Variants in SNTG1 observed in about 807,000 individuals in gnomAD.
SNTG1 encodes gamma-1-syntrophin.
A neutral mutation model predicts 74.7 loss-of-function variants in SNTG1; 39 were observed. That is an observed-to-expected ratio of 0.52 (90% CI 0.40 to 0.68). The LOEUF is 0.68. Ranked by LOEUF, SNTG1 falls within the 30% of genes least tolerant of loss-of-function variation. SNTG1 has a pLI of 0.00. For missense variants in SNTG1, 685 were observed against 609.5 expected (o/e 1.12, Z -1.30); for synonymous variants, 254 against 217.1 (o/e 1.17, Z -1.49).
chr8:50,654,396 T>G (rs1453812575), intron 13 of SNTG1, among the ~76,000 whole-genome samples: 1 of 152,152 alleles, frequency 6.6e-6, no homozygotes, highest in African/African-American at 2.4e-5. Context: ...TCATAAATAT[T>G]TATTTGTCTA....
At chr8:50,380,480 A>G (rs551835738) in intron 2 of SNTG1, among the ~76,000 whole-genome samples, 2 of 152,342 alleles carry the variant, frequency 1.3e-5, no homozygotes, top group South Asian at 4.1e-4. Context: ...AGTAAACTGA[A>G]CTGTCAGAGT....
At chr8:49,928,760 GA>G (rs1002752990) in intron 1 of SNTG1, among the ~76,000 whole-genome samples, 5 of 151,092 alleles carry the variant, frequency 3.3e-5, no homozygotes, top group African/African-American at 7.3e-5. Flanking sequence ...CCCAGTGCAA[GA>G]AAAAAAATAA....
chr8:50,764,611 A>G (rs1305571187), intron 18 of SNTG1, among the ~76,000 whole-genome samples: 1 of 151,926 alleles, frequency 6.6e-6, no homozygotes, highest in Non-Finnish European at 1.5e-5. Context: ...CTATTATCAA[A>G]AAGGTGAAAG....
intron 1 of SNTG1, among the ~76,000 whole-genome samples, chr8:50,151,815 G>C (rs2082079286): frequency 1.3e-5 from 2 of 152,196 alleles, no homozygotes; most frequent in South Asian, 4.1e-4. Flanking sequence ...TTGCTAAGGA[G>C]TGCTTTACTT....
intron 18 of SNTG1, among the ~76,000 whole-genome samples, chr8:50,765,195 C>T (rs1408179647): frequency 6.6e-6 from 1 of 152,012 alleles, no homozygotes; most frequent in Non-Finnish European, 1.5e-5. Context: ...AATGCCCAAG[C>T]TTATTACTGG....
chr8:50,182,840 G>C (rs557884087), intron 2 of SNTG1, among the ~76,000 whole-genome samples: 6 of 152,034 alleles, frequency 3.9e-5, no homozygotes, highest in African/African-American at 1.4e-4. Flanking sequence ...TCTTCTGCCT[G>C]GAAATTTTCT....
intron 18 of SNTG1, among the ~76,000 whole-genome samples, chr8:50,782,737 G>A (rs143324072): frequency 0.014 from 2,091 of 152,250 alleles, 30 homozygotes; most frequent in African/African-American, 0.043. Flanking sequence ...GCTTTGTTCC[G>A]TTGCTGGTGA....
intron 2 of SNTG1, among the ~76,000 whole-genome samples, chr8:50,282,690 C>G (rs1325537214): frequency 6.6e-6 from 1 of 152,074 alleles, no homozygotes; most frequent in African/African-American, 2.4e-5. Flanking sequence ...CACTTGAACC[C>G]AGGAGGCGGA....
chr8:49,910,417 G>A (rs1805521582), upstream of SNTG1, among the ~76,000 whole-genome samples: 2 of 152,122 alleles, frequency 1.3e-5, no homozygotes, highest in Admixed American at 1.3e-4. Context: ...TGCAAGGGCG[G>A]GCGGTGTTAC....
rs531886566 is a variant in SNTG1 at position 50,292,391 on chromosome 8, A to G, written c.-27-101821A>G. On this transcript the variant is annotated intron_variant, in intron 2 of 18. Coordinates refer to ENST00000642720, the MANE Select transcript of SNTG1 (RefSeq NM_018967.5). ...CAATATGTTAGAAAATGGATGGTCA[A>G]TGATGCTGCGGTCCTGAGGAACAAC... Among the ~76,000 whole-genome samples the G allele has an allele frequency of 5.3e-5, 8 of 152,322 alleles. No individual in the cohort carries two copies. The South Asian group carries it at 1.0e-3, about 20-fold the overall frequency.
chr8:50,042,696 A>G (rs1180465382), intron 1 of SNTG1, among the ~76,000 whole-genome samples: 2 of 151,422 alleles, frequency 1.3e-5, no homozygotes, highest in African/African-American at 4.9e-5. Flanking sequence ...AGCTGGGACT[A>G]CAGGCACATG....
chr8:49,965,656 T>C (rs573846815), intron 1 of SNTG1, among the ~76,000 whole-genome samples: 1 of 152,286 alleles, frequency 6.6e-6, no homozygotes, highest in Non-Finnish European at 1.5e-5. Flanking sequence ...CTCCAACCTC[T>C]CTAGCCCCAT....
At chr8:50,673,264 G>T (rs1236928689) in intron 15 of SNTG1, among the ~76,000 whole-genome samples, 1 of 152,104 alleles carries the variant, frequency 6.6e-6, no homozygotes, top group Non-Finnish European at 1.5e-5. Context: ...AAATTAATTT[G>T]GGCATTGTGG....
chr8:50,554,773 T>C (rs531801187), intron 12 of SNTG1, among the ~76,000 whole-genome samples: 1 of 152,278 alleles, frequency 6.6e-6, no homozygotes, highest in East Asian at 1.9e-4. Context: ...GCTTCTAGAG[T>C]TAAACACAGA....
intron 9 of SNTG1, among the ~76,000 whole-genome samples, chr8:50,510,232 T>G (rs1372764027): frequency 6.6e-6 from 1 of 152,222 alleles, no homozygotes; most frequent in Admixed American, 6.5e-5. Context: ...GATTTGCATA[T>G]GTTGAGCCAG....
intron 2 of SNTG1, among the ~76,000 whole-genome samples, chr8:50,254,853 G>GAAA (rs11377291): frequency 7.0e-6 from 1 of 142,572 alleles, no homozygotes. Flanking sequence ...ACTCCTCAAA[G>GAAA]AAAAAAAAAA....
At chr8:49,970,653 T>G (rs1811579377) in intron 1 of SNTG1, among the ~76,000 whole-genome samples, 1 of 152,196 alleles carries the variant, frequency 6.6e-6, no homozygotes, top group African/African-American at 2.4e-5. Flanking sequence ...TCAGAGAAGG[T>G]TATAACTTAC....
intron 15 of SNTG1, among the ~76,000 whole-genome samples, chr8:50,668,965 G>C (rs1054403760): frequency 1.3e-5 from 2 of 152,016 alleles, no homozygotes; most frequent in African/African-American, 2.4e-5. Flanking sequence ...CTTTATAGCT[G>C]AATGATTTAT....
intron 1 of SNTG1, among the ~76,000 whole-genome samples, chr8:49,967,473 G>A (rs959691360): frequency 5.3e-5 from 8 of 152,124 alleles, no homozygotes; most frequent in Non-Finnish European, 8.8e-5. Context: ...TTGCACATAC[G>A]TGGTGATGCA....
Sources: gnomAD v4.1 joint callset for allele counts (sites outside exome capture counted in the v4.1 genomes callset) on GRCh38, gnomAD v4.1.1 for gene constraint, MANE v1.5 for transcripts, NCBI Gene and HGNC (gene_info 2026-07-23, HGNC 2026-07-21) for gene names.